The following ZBTB20 variants were observed in gnomAD, a reference collection of about 807,000 sequenced individuals.
ZBTB20 encodes zinc finger and BTB domain containing 20.
Under a neutral mutation model 56.9 loss-of-function variants are expected in ZBTB20, and 9 were observed. The ratio of observed to expected loss-of-function variants is 0.16; its 90% confidence interval spans 0.10 to 0.28. ZBTB20 has a LOEUF of 0.28. Ranked by LOEUF, ZBTB20 falls within the 10% of genes least tolerant of loss-of-function variation. The pLI, the probability that ZBTB20 is intolerant of heterozygous loss-of-function variation, is 1.00. For missense variants in ZBTB20, 655 were observed against 1,003.0 expected, an observed-to-expected ratio of 0.65 and a Z score of 4.69; for synonymous variants, 417 against 420.7, an observed-to-expected ratio of 0.99 and a Z score of 0.11.
At position 114,792,524 on chromosome 3, in the gene ZBTB20, T is replaced by C. The variant is rs185525271; in HGVS notation, c.-343+8577A>G. ...CAGGTAGCATTGCTTCTAATTACCG[T>C]AAAATTGTTATGTATACTGATGCCC... On this transcript the variant is annotated intron_variant, in intron 5 of 11. Coordinates refer to ENST00000675478, the MANE Select transcript of ZBTB20 (RefSeq NM_001348800.3). Among the ~76,000 whole-genome samples, 7 of 152,280 alleles carry C rather than the reference T, an allele frequency of 4.6e-5. No homozygotes were observed. In the East Asian group the frequency reaches 1.4e-3, roughly 29 times the overall value.
chr3:114,377,714 T>C (rs1412434527), intron 10 of ZBTB20, among the ~76,000 whole-genome samples: 1 of 152,118 alleles, frequency 6.6e-6, no homozygotes, highest in Non-Finnish European at 1.5e-5. Context: ...GCTCTCACAA[T>C]GAGAGCAAAT....
intron 7 of ZBTB20, among the ~76,000 whole-genome samples, chr3:114,446,731 C>T (rs2091293996): frequency 6.6e-6 from 1 of 152,156 alleles, no homozygotes; most frequent in Non-Finnish European, 1.5e-5. Context: ...AGTGTTTGGC[C>T]TACGGCGGCT....
At chr3:114,793,874 G>A (rs2071159839) in intron 5 of ZBTB20, among the ~76,000 whole-genome samples, 3 of 152,156 alleles carry the variant, frequency 2.0e-5, no homozygotes, top group East Asian at 3.9e-4. Flanking sequence ...AGTCAATGCT[G>A]TGAGAATTAA....
rs1205131803 is a variant in ZBTB20, at chr3:114,883,927, T to C, written c.-417+16377A>G. Among the ~76,000 whole-genome samples the C allele has an allele frequency of 9.8e-4, 68 of 69,672 alleles. 8 individuals carry two copies. Among genetic ancestry groups the C allele is most frequent in the Admixed American group, 2.2e-3 (13 of 5,914 alleles). The allele number at this position is 69,672 out of a possible 152,430, so 45.7% of individuals were successfully genotyped here. On this transcript the variant is annotated intron_variant, in intron 4 of 11. Transcript: ENST00000675478. ...AAGAATGGTGTGTTCTTTTTTTTTT[T>C]TTTTTTTTTTTTTTTTGAGACGGAG...
At chr3:114,449,542 G>A (rs753899427) in intron 7 of ZBTB20, among the ~76,000 whole-genome samples, 4 of 151,994 alleles carry the variant, frequency 2.6e-5, no homozygotes, top group East Asian at 1.9e-4. Flanking sequence ...AATATTCTTC[G>A]ATAGCGATGA....
rs141307267 is a variant in ZBTB20 at position 114,750,345 on chromosome 3, A to C, written c.-343+50756T>G. 1.5e-3 allele frequency among the ~76,000 whole-genome samples: 228 copies of C among 152,282 alleles called. 1 individual carries two copies. The highest frequency in any genetic ancestry group is 0.01 in the South Asian group (50 of 4,818). The stretch of plus-strand genomic sequence containing the variant: ...ACTGAGGAGAAATGGGAGAGTAAAG[A>C]GCAACACTGAGCCTCATCGGACTGT... On this transcript the variant is annotated intron_variant, in intron 5 of 11. Transcript: ENST00000675478.
At chr3:115,098,132 A>T (rs2083445324) in intron 1 of ZBTB20, among the ~76,000 whole-genome samples, 1 of 152,130 alleles carries the variant, frequency 6.6e-6, no homozygotes, top group South Asian at 2.1e-4. Context: ...ATAAAGTGAA[A>T]TTTTTAAAAA....
intron 6 of ZBTB20, among the ~76,000 whole-genome samples, chr3:114,689,817 G>A (rs919632714): frequency 6.6e-6 from 1 of 151,988 alleles, no homozygotes; most frequent in African/African-American, 2.4e-5. Context: ...ATAAGAACAG[G>A]ATGCTGAAAA....
chr3:114,633,199 G>A (rs537209438), intron 6 of ZBTB20, among the ~76,000 whole-genome samples: 3 of 152,280 alleles, frequency 2.0e-5, no homozygotes, highest in African/African-American at 4.8e-5. Context: ...AAGGTGGCAT[G>A]TTCAGAATGA....
intron 7 of ZBTB20, among the ~76,000 whole-genome samples, chr3:114,393,840 G>C (rs899029917): frequency 3.3e-5 from 5 of 152,126 alleles, no homozygotes; most frequent in African/African-American, 1.2e-4. Context: ...GTTTCTTGAT[G>C]GTGTCAGAGG....
chr3:115,010,403 A>G (rs1196926208), intron 2 of ZBTB20, among the ~76,000 whole-genome samples: 2 of 151,964 alleles, frequency 1.3e-5, no homozygotes, highest in Non-Finnish European at 1.5e-5. Context: ...TCCACCCTGC[A>G]AAGGAGCTTG....
intron 1 of ZBTB20, among the ~76,000 whole-genome samples, chr3:115,119,730 T>C (rs891223989): frequency 3.9e-5 from 6 of 152,184 alleles, no homozygotes; most frequent in African/African-American, 1.4e-4. Context: ...AATAAAGTAG[T>C]TCTCAAATAT....
At chr3:114,981,717 G>C (rs1341143262) in intron 2 of ZBTB20, among the ~76,000 whole-genome samples, 1 of 152,020 alleles carries the variant, frequency 6.6e-6, no homozygotes, top group Non-Finnish European at 1.5e-5. Context: ...AACAGAGGGA[G>C]TAAGTAATTT....
At chr3:114,402,939 C>T (rs893052489) in intron 7 of ZBTB20, among the ~76,000 whole-genome samples, 1 of 152,158 alleles carries the variant, frequency 6.6e-6, no homozygotes, top group Non-Finnish European at 1.5e-5. Context: ...AGTTCCTTCA[C>T]AGTGGTGTGT....
intron 2 of ZBTB20, among the ~76,000 whole-genome samples, chr3:114,998,285 C>G (rs187377401): frequency 1.3e-5 from 2 of 151,584 alleles, no homozygotes; most frequent in African/African-American, 4.8e-5. Context: ...ATTTTTTGTA[C>G]GTCTTTGTAT....
In ZBTB20 at chr3:114,992,074, T is replaced by A. The variant is rs140995845; in HGVS notation, c.-506-17658A>T. ...TCTCTCTCCACCTAAACTTTTCAAC[T>A]TCTCTCTCTTTCTGTCTTTTTTACT... On this transcript the variant is annotated intron_variant, in intron 2 of 11. Coordinates refer to ENST00000675478, the MANE Select transcript of ZBTB20 (RefSeq NM_001348800.3). Among the ~76,000 whole-genome samples the A allele has an allele frequency of 5.5e-4, 83 of 152,090 alleles. 1 individual carries two copies. The highest frequency in any genetic ancestry group is 2.0e-3 in the African/African-American group (81 of 41,514).
chr3:115,131,642 T>A lies in ZBTB20; in HGVS notation c.-703+15577A>T, dbSNP rs900381046. ...TGGAATATATTCCCAAAAATGAGAC[T>A]GCCAGGTTAAAGTATTTGCAAATCA... is the stretch of plus-strand genomic sequence containing the variant. On this transcript the variant is annotated intron_variant, in intron 1 of 11. Coordinates refer to ENST00000675478, the MANE Select transcript of ZBTB20 (RefSeq NM_001348800.3). 2.0e-5 allele frequency among the ~76,000 whole-genome samples: 3 copies of A among 152,222 alleles called. No homozygotes were observed. In the South Asian group the frequency reaches 6.2e-4, roughly 31 times the overall value.
chr3:114,330,577 C>T lies in ZBTB20; in HGVS notation c.*8428G>A, dbSNP rs921548180. 6.6e-6 allele frequency: 1 copy of T among 152,038 alleles called. No individual in the cohort carries two copies. Among genetic ancestry groups the T allele is most frequent in the Non-Finnish European group, 1.5e-5 (1 of 67,998 alleles). The allele number at this position is 152,038 out of a possible 1,614,324, so 9.4% of individuals were successfully genotyped here. ...ATTGTTTTTCCAGTAAAAAGAAATA[C>T]CTATGGTTACAGTTACAGACTTCTT... On this transcript the variant is annotated 3_prime_UTR_variant, in exon 12 of 12. Coordinates refer to ENST00000675478, the MANE Select transcript of ZBTB20 (RefSeq NM_001348800.3).
intron 5 of ZBTB20, among the ~76,000 whole-genome samples, chr3:114,717,897 C>A (rs369782010): frequency 5.4e-4 from 82 of 152,182 alleles, no homozygotes; most frequent in Non-Finnish European, 8.7e-4. Context: ...TTTTGGGATA[C>A]CCCTCTTTTC....
Sources: gnomAD v4.1 joint callset for allele counts (sites outside exome capture counted in the v4.1 genomes callset) on GRCh38, gnomAD v4.1.1 for gene constraint, MANE v1.5 for transcripts, NCBI Gene and HGNC (gene_info 2026-07-23, HGNC 2026-07-21) for gene names.